The following INPP4B variants were observed in gnomAD, a reference collection of about 807,000 sequenced individuals.
INPP4B encodes inositol polyphosphate 4-phosphatase type II.
Under a neutral mutation model 122.5 loss-of-function variants are expected in INPP4B, and 55 were observed. The observed-to-expected ratio is 0.45, with a 90% confidence interval of 0.36 to 0.56. The LOEUF (loss-of-function observed/expected upper bound fraction) is 0.56. Ranked by LOEUF, INPP4B falls within the 20% of genes least tolerant of loss-of-function variation. The probability of loss-of-function intolerance (pLI) is 0.00; values close to 1 mark genes in which losing one functional copy is unlikely to be tolerated. For synonymous variants in INPP4B, 403 were observed against 388.7 expected (o/e 1.04, Z -0.43); for missense variants, 1,000 against 1,097.7 (o/e 0.91, Z 1.26).
chr4:142,269,638 T>C (rs1222417022), intron 10 of INPP4B, among the ~76,000 whole-genome samples: 2 of 152,146 alleles, frequency 1.3e-5, no homozygotes, highest in African/African-American at 4.8e-5. Context: ...TAAGCTTTAG[T>C]GAGTTATTGA....
Position 142,299,173 on chromosome 4 carries a change from G to GTT in INPP4B, c.503+6284_503+6285insAA, listed in dbSNP as rs780746455. Reference sequence around the variant, plus strand: ...CTTTCTTTCTTTTTTTTTTTTTGGGGGGGAGACAGAGTCTTGCTCTTATCC... The same window carrying GTT: ...CTTTCTTTCTTTTTTTTTTTTTGGGGTTGGGAGACAGAGTCTTGCTCTTATCC... On this transcript the variant is annotated intron_variant, in intron 9 of 25. Coordinates refer to ENST00000262992, the MANE Select transcript of INPP4B (RefSeq NM_001101669.3). 2.2e-4 allele frequency among the ~76,000 whole-genome samples: 32 copies of GTT among 143,502 alleles called. 2 individuals are homozygous for GTT. The highest frequency in any genetic ancestry group is 4.8e-4 in the Admixed American group (7 of 14,464). The allele number at this position is 143,502 out of a possible 152,430, so 94.1% of individuals were successfully genotyped here.
intron 2 of INPP4B, among the ~76,000 whole-genome samples, chr4:142,725,078 C>T (rs944306276): frequency 6.6e-6 from 1 of 152,012 alleles, no homozygotes; most frequent in Non-Finnish European, 1.5e-5. Flanking sequence ...AACTTTTCTG[C>T]AAAAATCTCT....
intron 3 of INPP4B, among the ~76,000 whole-genome samples, chr4:142,456,382 C>A (rs1447936013): frequency 1.3e-5 from 2 of 152,010 alleles, no homozygotes; most frequent in African/African-American, 4.8e-5. Context: ...GTTTTTCCAG[C>A]CTCATTTCCA....
intron 2 of INPP4B, among the ~76,000 whole-genome samples, chr4:142,715,709 G>C (rs575274282): frequency 2.0e-5 from 3 of 152,204 alleles, no homozygotes; most frequent in Admixed American, 2.0e-4. Flanking sequence ...GTTGCAGTTA[G>C]CTATGACTGC....
chr4:142,814,845 A>T (rs1035930367), intron 1 of INPP4B, among the ~76,000 whole-genome samples: 2 of 152,154 alleles, frequency 1.3e-5, no homozygotes, highest in African/African-American at 4.8e-5. Context: ...TCTCAAGGGG[A>T]TGGAGCATAA....
intron 18 of INPP4B, among the ~76,000 whole-genome samples, chr4:142,129,181 G>A (rs762379502): frequency 1.3e-5 from 2 of 152,114 alleles, no homozygotes; most frequent in Non-Finnish European, 2.9e-5. Flanking sequence ...ATTAAGGGGG[G>A]CAATAAAATT....
At chr4:142,754,359 A>G (rs1317386980) in intron 1 of INPP4B, among the ~76,000 whole-genome samples, 1 of 152,042 alleles carries the variant, frequency 6.6e-6, no homozygotes, top group Non-Finnish European at 1.5e-5. Flanking sequence ...AACAAAAAGA[A>G]TTGCTTGGAA....
chr4:142,334,357 C>G (rs1187892341), intron 7 of INPP4B, among the ~76,000 whole-genome samples: 2 of 152,110 alleles, frequency 1.3e-5, no homozygotes, highest in African/African-American at 4.8e-5. Flanking sequence ...TCAGAGGATA[C>G]TCGGATTGTT....
chr4:142,581,297 A>C lies in INPP4B; in HGVS notation c.-190-118571T>G, dbSNP rs1452274553. Among the ~76,000 whole-genome samples the C allele has an allele frequency of 3.9e-5, 6 of 152,182 alleles. No individual in the cohort carries two copies. In the South Asian group the frequency reaches 6.2e-4, roughly 16 times the overall value. On this transcript the variant is annotated intron_variant, in intron 2 of 25. Coordinates refer to ENST00000262992, the MANE Select transcript of INPP4B (RefSeq NM_001101669.3). The stretch of plus-strand genomic sequence containing the variant: ...TTTGTGCTATACAAGAAAAGCACTC[A>C]AGTATTTCTACACAGCTGTTATCTC...
chr4:142,723,429 T>G (rs544542565), intron 2 of INPP4B, among the ~76,000 whole-genome samples: 15 of 152,274 alleles, frequency 9.9e-5, no homozygotes, highest in African/African-American at 3.6e-4. Flanking sequence ...ACCAGGTATA[T>G]TGAAAGATAT....
chr4:142,647,232 G>A (rs1751971906), intron 2 of INPP4B, among the ~76,000 whole-genome samples: 1 of 152,116 alleles, frequency 6.6e-6, no homozygotes, highest in Admixed American at 6.5e-5. Flanking sequence ...GAGAATCAGG[G>A]TCCAGGAAGG....
chr4:142,628,554 A>G (rs778873797), intron 2 of INPP4B, among the ~76,000 whole-genome samples: 162 of 113,346 alleles, frequency 1.4e-3, no homozygotes, highest in Non-Finnish European at 1.7e-3. Flanking sequence ...CTAAAACTTA[A>G]AGTAAAAAAA....
chr4:142,038,691 G>A (rs141200639), intron 25 of INPP4B, among the ~76,000 whole-genome samples: 527 of 152,212 alleles, frequency 3.5e-3, no homozygotes, highest in Non-Finnish European at 5.6e-3. Context: ...AAAATCCATT[G>A]CACTGGAGAA....
At chr4:142,536,759 G>T (rs758045086) in intron 2 of INPP4B, among the ~76,000 whole-genome samples, 2 of 152,040 alleles carry the variant, frequency 1.3e-5, no homozygotes, top group Admixed American at 1.3e-4. Flanking sequence ...GACTCTAAAC[G>T]GGCAGAATCA....
intron 12 of INPP4B, among the ~76,000 whole-genome samples, chr4:142,235,714 C>T (rs946254486): frequency 2.0e-5 from 3 of 152,158 alleles, no homozygotes; most frequent in Non-Finnish European, 2.9e-5. Context: ...CGTGAGCCAC[C>T]GCGTCCACCT....
intron 2 of INPP4B, among the ~76,000 whole-genome samples, chr4:142,463,099 C>A (rs1322711903): frequency 1.3e-5 from 2 of 152,212 alleles, no homozygotes; most frequent in African/African-American, 4.8e-5. Context: ...CTGCCCATCA[C>A]AAAGAAAGGT....
rs143280895 is a variant in INPP4B at position 142,651,609 on chromosome 4, T to C, written c.-191+74230A>G. Among the ~76,000 whole-genome samples the C allele has an allele frequency of 8.9e-3, 1,349 of 152,222 alleles. 24 individuals carry two copies. Among genetic ancestry groups the C allele is most frequent in the African/African-American group, 0.031 (1,279 of 41,544 alleles). On this transcript the variant is annotated intron_variant, in intron 2 of 25. Transcript: ENST00000262992. ...TGTAAACATTTCTACGCAAATAAAC[T>C]AGAAAATCTAGAAGAAATGGATAAG...
chr4:142,698,981 A>C (rs1249311903), intron 2 of INPP4B, among the ~76,000 whole-genome samples: 1 of 151,804 alleles, frequency 6.6e-6, no homozygotes, highest in East Asian at 1.9e-4. Context: ...TTTGTTCAAG[A>C]CTCCCTCAGC....
rs182407032 is a variant in INPP4B, at chr4:142,781,067, C to T, written c.-253-55166G>A. 1.7e-3 allele frequency among the ~76,000 whole-genome samples: 255 copies of T among 152,136 alleles called. 1 individual carries two copies. Among genetic ancestry groups the T allele is most frequent in the African/African-American group, 5.8e-3 (239 of 41,490 alleles). ...AACAATGCGGTTCTTTAGGTACATGCGAGATATTCTTAAAACTTGGCAGAT... is the reference window on the plus strand; with the variant it reads ...AACAATGCGGTTCTTTAGGTACATGTGAGATATTCTTAAAACTTGGCAGAT... On this transcript the variant is annotated intron_variant, in intron 1 of 25. Transcript: ENST00000262992.
Sources: allele counts gnomAD v4.1 joint callset (sites outside exome capture counted in the v4.1 genomes callset), GRCh38; gene constraint gnomAD v4.1.1; transcripts MANE v1.5; gene names NCBI Gene and HGNC (gene_info 2026-07-23, HGNC 2026-07-21).